SNTB1: variants seen among roughly 807,000 people sequenced by gnomAD.
SNTB1 encodes syntrophin beta 1.
SNTB1 carries 36 observed loss-of-function variants against 48.9 expected under a neutral mutation model. That is an observed-to-expected ratio of 0.74 (90% CI 0.56 to 0.97). The LOEUF is 0.97. Among genes scored for constraint, SNTB1 ranks in the 50% least tolerant of loss-of-function variants. The pLI is 0.00. For missense variants in SNTB1, 786 were observed against 703.4 expected, an observed-to-expected ratio of 1.12 and a Z score of -1.33; for synonymous variants, 299 against 294.6, an observed-to-expected ratio of 1.01 and a Z score of -0.15.
At chr8:120,618,834 A>G (rs577162030) in intron 3 of SNTB1, among the ~76,000 whole-genome samples, 25 of 152,196 alleles carry the variant, frequency 1.6e-4, no homozygotes, top group Admixed American at 8.5e-4. Flanking sequence ...AGAGGGTGGA[A>G]AATCTAGAGC....
At position 120,693,706 on chromosome 8, in the gene SNTB1, G is replaced by A. The variant is rs747259669; in HGVS notation, c.774C>T (p.Ala258=). The A allele has an allele frequency of 2.4e-5, 39 of 1,613,772 alleles. 1 individual carries two copies. In the South Asian group the frequency reaches 4.0e-4, roughly 16 times the overall value. Residue 258 remains alanine (A), a synonymous_variant, in exon 2 of 7, where the codon GCC becomes GCT. Transcript: ENST00000517992. Reference sequence around the variant, plus strand: ...ACCCTATTTACCTGTTCTCAGGGTCGGCCAAGGCCATACTCCGAGTGACGT... The same window carrying A: ...ACCCTATTTACCTGTTCTCAGGGTCAGCCAAGGCCATACTCCGAGTGACGT... ...MCYVTRSMAL[A]DPENRQLEIH... is the part of the protein sequence containing the mutation.
At chr8:120,699,759 C>G (rs1026477258) in intron 1 of SNTB1, among the ~76,000 whole-genome samples, 2 of 152,164 alleles carry the variant, frequency 1.3e-5, no homozygotes, top group African/African-American at 2.4e-5. Flanking sequence ...CTTGACAGCT[C>G]TATGTCCACC....
At position 120,538,970 on chromosome 8, in the gene SNTB1, C is replaced by T; in HGVS notation, c.1525-1G>A. The T allele has an allele frequency of 1.9e-6, 3 of 1,606,328 alleles. No individual in the cohort carries two copies. The highest frequency in any genetic ancestry group is 2.5e-6 in the Non-Finnish European group (3 of 1,177,482). On this transcript the variant is annotated splice_acceptor_variant, in intron 6 of 6. Transcript: ENST00000517992. LOFTEE classifies it high-confidence loss of function. ...TGGGGCAGGAATGAAGGTCCAGTTG[C>T]TGAAATTTAAAAAGAAGAGAGCATG...
chr8:120,807,352 AG>A (rs1820351833), intron 1 of SNTB1, among the ~76,000 whole-genome samples: 1 of 152,220 alleles, frequency 6.6e-6, no homozygotes, highest in African/African-American at 2.4e-5. Context: ...CCAGCTCCAG[AG>A]GGTGCGATTG....
intron 1 of SNTB1, among the ~76,000 whole-genome samples, chr8:120,707,799 T>G (rs1396341388): frequency 6.6e-6 from 1 of 152,164 alleles, no homozygotes; most frequent in Non-Finnish European, 1.5e-5. Context: ...GATGTAATAA[T>G]ACATCTACTT....
chr8:120,656,403 C>T (rs1371143115), intron 2 of SNTB1, among the ~76,000 whole-genome samples: 1 of 152,190 alleles, frequency 6.6e-6, no homozygotes, highest in Non-Finnish European at 1.5e-5. Flanking sequence ...AATTTCAGCA[C>T]TTTGACCTTT....
At chr8:120,652,931 T>C (rs2129721979) in intron 2 of SNTB1, among the ~76,000 whole-genome samples, 1 of 152,306 alleles carries the variant, frequency 6.6e-6, no homozygotes, top group South Asian at 2.1e-4. Flanking sequence ...AAGGCATGCA[T>C]ATTGAAACAG....
At chr8:120,653,985 A>C (rs945201154) in intron 2 of SNTB1, among the ~76,000 whole-genome samples, 1 of 133,070 alleles carries the variant, frequency 7.5e-6, no homozygotes, top group Non-Finnish European at 1.5e-5. Flanking sequence ...GCTTGCAGTG[A>C]GCCCAGATGG....
chr8:120,630,931 T>C (rs1816969191), intron 3 of SNTB1, among the ~76,000 whole-genome samples: 2 of 152,144 alleles, frequency 1.3e-5, no homozygotes, highest in African/African-American at 4.8e-5. Context: ...GGAAGCCTGG[T>C]AATAAACTAA....
intron 1 of SNTB1, among the ~76,000 whole-genome samples, chr8:120,744,550 C>G (rs1157940818): frequency 6.6e-6 from 1 of 152,098 alleles, no homozygotes; most frequent in Non-Finnish European, 1.5e-5. Context: ...TTCATTTTTA[C>G]CAGTAAATAT....
In SNTB1 at chr8:120,704,869, T is replaced by C. The variant is rs184905253; in HGVS notation, c.572-10961A>G. Among the ~76,000 whole-genome samples, 4 of 152,356 alleles carry C rather than the reference T, an allele frequency of 2.6e-5. No homozygotes were observed. The East Asian group carries it at 7.7e-4, about 29-fold the overall frequency. ...TCATTGCATATTCAAAATAAAAATC[T>C]CTGTAACATGTAGGACAGGGAGAAC... On this transcript the variant is annotated intron_variant, in intron 1 of 6. Coordinates refer to ENST00000517992, the MANE Select transcript of SNTB1 (RefSeq NM_021021.4).
At chr8:120,568,003 G>A (rs1392560219) in intron 4 of SNTB1, among the ~76,000 whole-genome samples, 1 of 152,182 alleles carries the variant, frequency 6.6e-6, no homozygotes, top group African/African-American at 2.4e-5. Context: ...AGGACACGGT[G>A]CTGTATATGG....
chr8:120,541,346 C>T (rs1815284461), intron 6 of SNTB1: 1 of 152,834 alleles, frequency 6.5e-6, no homozygotes, highest in Non-Finnish European at 1.5e-5. Context: ...TTTTCATTTT[C>T]CTGCTGCCCT....
chr8:120,750,483 A>T (rs1393901186), intron 1 of SNTB1, among the ~76,000 whole-genome samples: 1 of 152,162 alleles, frequency 6.6e-6, no homozygotes, highest in Non-Finnish European at 1.5e-5. Context: ...ATTCATCAAA[A>T]TCAAATTTGT....
intron 1 of SNTB1, among the ~76,000 whole-genome samples, chr8:120,700,350 G>C (rs1163660215): frequency 2.0e-5 from 3 of 152,148 alleles, no homozygotes; most frequent in Admixed American, 6.5e-5. Context: ...ATTCATAATA[G>C]AGGGTTTAAC....
intron 3 of SNTB1, among the ~76,000 whole-genome samples, chr8:120,581,088 C>CAAAAAAAAAAAAA (rs775547135): frequency 2.2e-5 from 2 of 89,994 alleles, no homozygotes; most frequent in African/African-American, 7.4e-5. Context: ...GACCCTGTCT[C>CAAAAAAAAAAAAA]AAAAAAAAAA....
intron 3 of SNTB1, among the ~76,000 whole-genome samples, chr8:120,587,226 C>CAAAAA (rs1816159648): frequency 6.6e-6 from 1 of 151,798 alleles, no homozygotes; most frequent in Admixed American, 6.6e-5. Context: ...GTCTCAAAAA[C>CAAAAA]AAAACAAAAC....
chr8:120,574,846 G>A (rs1406090242), intron 4 of SNTB1, among the ~76,000 whole-genome samples: 3 of 152,150 alleles, frequency 2.0e-5, no homozygotes, highest in East Asian at 1.9e-4. Flanking sequence ...GGACCATCTC[G>A]CAGATGTCAC....
intron 2 of SNTB1, among the ~76,000 whole-genome samples, chr8:120,633,221 C>T (rs1817012609): frequency 6.6e-6 from 1 of 152,210 alleles, no homozygotes; most frequent in Non-Finnish European, 1.5e-5. Flanking sequence ...GCACATTTAG[C>T]TTCCACTTAA....
Sources: gnomAD v4.1 joint callset for allele counts (sites outside exome capture counted in the v4.1 genomes callset) on GRCh38, gnomAD v4.1.1 for gene constraint, MANE v1.5 for transcripts, NCBI Gene and HGNC (gene_info 2026-07-23, HGNC 2026-07-21) for gene names.